The following XKR3 variants were observed in gnomAD, a reference collection of about 807,000 sequenced individuals.
The protein encoded by XKR3 is XK related 3, also known as XK-related protein 3.
XKR3 carries 27 observed loss-of-function variants against 40.3 expected under a neutral mutation model. The ratio of observed to expected loss-of-function variants is 0.67; its 90% CI spans 0.49 to 0.92. The LOEUF (loss-of-function observed/expected upper bound fraction) is 0.92, where lower values mean the gene tolerates loss of function less well. Among genes scored for constraint, XKR3 ranks in the 40% least tolerant of loss-of-function variants. XKR3 has a pLI of 0.00. For missense variants in XKR3, 472 were observed against 537.6 expected, an observed-to-expected ratio of 0.88 and a Z score of 1.21; for synonymous variants, 193 against 195.4, an observed-to-expected ratio of 0.99 and a Z score of 0.10.
chr22:16,808,202 G>T, intron 1 of XKR3, 119 bp from the exon 2 acceptor site: 2 of 689,222 alleles, frequency 2.9e-6, no homozygotes, highest in South Asian at 2.8e-5. Context: ...AGGTAGATAT[G>T]GATCACTAAT....
intron 1 of XKR3, among the ~76,000 whole-genome samples, chr22:16,817,867 T>G (rs1262412849): frequency 6.6e-6 from 1 of 152,198 alleles, no homozygotes; most frequent in Admixed American, 6.5e-5. Context: ...TCAATTGAAT[T>G]ATTTGTTACT....
At chr22:16,817,489 G>A (rs1458963118) in intron 1 of XKR3, among the ~76,000 whole-genome samples, 3 of 152,096 alleles carry the variant, frequency 2.0e-5, no homozygotes, top group African/African-American at 7.2e-5. Context: ...ACCTCATTCT[G>A]TGTTAGATCC....
Position 16,783,975 on chromosome 22 carries a change from C to T in XKR3, c.1024G>A (p.Gly342Ser). 6.2e-7 allele frequency: 1 copy of T among 1,614,158 alleles called. No individual in the cohort carries two copies. Among genetic ancestry groups the T allele is most frequent in the Non-Finnish European group, 8.5e-7 (1 of 1,180,042 alleles). The change falls in exon 4 of 4, where the codon GGC becomes AGC. Residue 342 changes from glycine (G) to serine (S), a missense_variant. By Grantham distance (56) the Gly-to-Ser change is moderately conservative. Transcript: ENST00000684488. Reference sequence around the variant, plus strand: ...AAGCTGTAGTGTAGGATTCTATGGCCCCACCTCTGTCTCCCGTCAATTATT... The same window carrying T: ...AAGCTGTAGTGTAGGATTCTATGGCTCCACCTCTGTCTCCCGTCAATTATT... ...DKIIDGRQRW[G>S]HRILHYSFQF...
intron 1 of XKR3, among the ~76,000 whole-genome samples, chr22:16,821,251 A>G (rs2060254521): frequency 6.6e-6 from 1 of 152,190 alleles, no homozygotes; most frequent in African/African-American, 2.4e-5. Context: ...CTGTTAAGCA[A>G]CTTTACTTGC....
At chr22:16,805,326 TATA>T (rs1215432247) in intron 2 of XKR3, among the ~76,000 whole-genome samples, 1 of 152,192 alleles carries the variant, frequency 6.6e-6, no homozygotes, top group African/African-American at 2.4e-5. Flanking sequence ...AAACCTTATT[TATA>T]ATAACCTAAA....
chr22:16,802,491 C>CTTTTTTTTTTTTTTTTTTTTTT, intron 2 of XKR3, among the ~76,000 whole-genome samples: 1 of 149,560 alleles, frequency 6.7e-6, no homozygotes, highest in Non-Finnish European at 1.5e-5. Flanking sequence ...CCCAGTCTTT[C>CTTTTTTTTTTTTTTTTTTTTTT]TTTTTTTTTT....
chr22:16,808,162 T>C, intron 1 of XKR3, 79 bp from the exon 2 acceptor site: 1 of 1,044,570 alleles, frequency 9.6e-7, no homozygotes, highest in Non-Finnish European at 1.4e-6. Flanking sequence ...CAAGATTCTC[T>C]ATAATTCACT....
chr22:16,783,484 C>G lies in XKR3; in HGVS notation c.*135G>C. 1 of 663,254 alleles carries G rather than the reference C, an allele frequency of 1.5e-6. No homozygotes were observed. The highest frequency in any genetic ancestry group is 2.3e-6 in the Non-Finnish European group (1 of 429,568). 41.1% of individuals were successfully genotyped at this position (663,254 alleles called of 1,614,324 possible). A position where few individuals can be genotyped will look rare whatever the true frequency, so the allele number is the denominator to read the frequency against. ...AACAAAAATTACTAAGGCACGTTCA[C>G]AGGAGAACATAAATGAATTTTATTA... On this transcript the variant is annotated 3_prime_UTR_variant, in exon 4 of 4. Transcript: ENST00000684488.
At chr22:16,799,270 C>T (rs143934994) in intron 3 of XKR3, among the ~76,000 whole-genome samples, 1 of 151,244 alleles carries the variant, frequency 6.6e-6, no homozygotes, top group Non-Finnish European at 1.5e-5. Flanking sequence ...AAAAATTAGT[C>T]GGGCATGGTG....
At chr22:16,798,213 C>A (rs1353265625) in intron 3 of XKR3, among the ~76,000 whole-genome samples, 17 of 151,492 alleles carry the variant, frequency 1.1e-4, no homozygotes, top group Admixed American at 1.1e-3. Context: ...CAAAAACCCC[C>A]ACAATTTCAG....
chr22:16,784,647 A>G (rs2060082487), intron 3 of XKR3, among the ~76,000 whole-genome samples: 1 of 152,244 alleles, frequency 6.6e-6, no homozygotes. Flanking sequence ...ATACATATCT[A>G]CATTTATACA....
At chr22:16,818,369 T>C (rs1161960409) in intron 1 of XKR3, among the ~76,000 whole-genome samples, 1 of 151,796 alleles carries the variant, frequency 6.6e-6, no homozygotes, top group Non-Finnish European at 1.5e-5. Flanking sequence ...TGAAGAGTGA[T>C]ACTATGGTAA....
Position 16,783,708 on chromosome 22 carries a change from T to C in XKR3, c.1291A>G (p.Lys431Glu), listed in dbSNP as rs1203929998. The part of the protein sequence containing the change: ...YYYVNIEKTE[K>E]NKNKQLRNYC... ...TTCCTCAGCTGCTTATTTTTATTCTTTTCAGTTTTCTCGATGTTTACATAA... is the reference window on the plus strand; with the variant it reads ...TTCCTCAGCTGCTTATTTTTATTCTCTTCAGTTTTCTCGATGTTTACATAA... The change falls in exon 4 of 4, where the codon AAG (lysine) becomes GAG (glutamate). Residue 431 changes from lysine to glutamate, a missense_variant. Lys to Glu is a moderately conservative substitution (Grantham distance 56). Transcript: ENST00000684488. The C allele has an allele frequency of 6.2e-6, 10 of 1,613,980 alleles. No individual in the cohort carries two copies. Among genetic ancestry groups the C allele is most frequent in the Non-Finnish European group, 8.5e-6 (10 of 1,180,028 alleles).
chr22:16,811,094 T>C (rs2060210391), intron 1 of XKR3, among the ~76,000 whole-genome samples: 1 of 151,476 alleles, frequency 6.6e-6, no homozygotes, highest in Non-Finnish European at 1.5e-5. Context: ...TTCACTTTGA[T>C]CTTTTTTTTC....
Position 16,786,952 on chromosome 22 carries a change from T to C in XKR3, c.590-2543A>G, listed in dbSNP as rs547966318. ...AAGAGATGGGCATGGACACATAGCC[T>C]GACAAAAAATTCAAATACTTATTTT... On this transcript the variant is annotated intron_variant, in intron 3 of 3. Transcript: ENST00000684488. Among the ~76,000 whole-genome samples the C allele has an allele frequency of 1.0e-3, 156 of 152,242 alleles. 2 individuals carry two copies. The South Asian group carries it at 0.021, about 20-fold the overall frequency.
At position 16,784,001 on chromosome 22, in the gene XKR3, T is replaced by C. The variant is rs1183611629; in HGVS notation, c.998A>G (p.Lys333Arg). The change falls in exon 4 of 4, where the codon AAA becomes AGA. Residue 333 changes from lysine (K) to arginine (R), a missense_variant. Lys to Arg is a conservative substitution (Grantham distance 26). Coordinates refer to ENST00000684488, the MANE Select transcript of XKR3 (RefSeq NM_001386955.1). ...SAVKLQLSDDKIIDGRQRWGH... is the reference protein window; with the variant it reads ...SAVKLQLSDDRIIDGRQRWGH... ...CCACCTCTGTCTCCCGTCAATTATT[T>C]TGTCATCTGACAACTGCAGTTTCAC... 7 of 1,614,094 alleles carry C rather than the reference T, an allele frequency of 4.3e-6. No individual in the cohort carries two copies. The African/African-American group carries it at 5.3e-5, about 12-fold the overall frequency.
intron 1 of XKR3, among the ~76,000 whole-genome samples, 76 bp downstream of exon 1, chr22:16,825,215 C>T (rs2060268700): frequency 6.6e-6 from 1 of 152,088 alleles, no homozygotes; most frequent in South Asian, 2.1e-4. Flanking sequence ...ATGTTAAGAT[C>T]CCCAGCTGAG....
At chr22:16,788,923 A>G (rs1280892133) in intron 3 of XKR3, among the ~76,000 whole-genome samples, 2 of 152,210 alleles carry the variant, frequency 1.3e-5, no homozygotes, top group Non-Finnish European at 2.9e-5. Context: ...TAAAAAAGCC[A>G]TTTGACAAAA....
chr22:16,784,031 G>T lies in XKR3; in HGVS notation c.968C>A (p.Ser323Ter). ...ATCTGACAACTGCAGTTTCACTGCT[G>T]ACCAGCAGGAGAAGTTGATGGCAGC... ...LYAAINFSCW[S>*]AVKLQLSDDK... Residue 323 changes from serine (S) to a stop codon, truncating the protein, a stop_gained, in exon 4 of 4, where the codon TCA becomes TAA. Transcript: ENST00000684488. LOFTEE classifies it high-confidence loss of function. The T allele has an allele frequency of 6.2e-7, 1 of 1,614,202 alleles. No homozygotes were observed. Among genetic ancestry groups the T allele is most frequent in the South Asian group, 1.1e-5 (1 of 91,076 alleles).
Sources: allele counts gnomAD v4.1 joint callset (sites outside exome capture counted in the v4.1 genomes callset), GRCh38; gene constraint gnomAD v4.1.1; transcripts MANE v1.5; gene names NCBI Gene and HGNC (gene_info 2026-07-23, HGNC 2026-07-21).